The following PPP2R5C variants were observed in gnomAD, a reference collection of about 807,000 sequenced individuals.
PPP2R5C encodes the protein serine/threonine-protein phosphatase 2A 56 kDa regulatory subunit gamma isoform.
Under a neutral mutation model 68.9 loss-of-function variants are expected in PPP2R5C, and 7 were observed. That is an observed-to-expected ratio of 0.10 (90% confidence interval 0.06 to 0.19). The LOEUF is 0.19. PPP2R5C is among the 10% of genes least tolerant of loss of function. The probability of loss-of-function intolerance (pLI) is 1.00; values close to 1 mark genes in which losing one functional copy is unlikely to be tolerated. For synonymous variants in PPP2R5C, 210 were observed against 222.2 expected, an observed-to-expected ratio of 0.95 and a Z score of 0.49; for missense variants, 348 against 641.3, an observed-to-expected ratio of 0.54 and a Z score of 4.94.
chr14:101,909,700 TC>T lies in PPP2R5C; in HGVS notation c.1253+12del, dbSNP rs748325071. 37 of 1,557,626 alleles carry T rather than the reference TC, an allele frequency of 2.4e-5. No homozygotes were observed. The highest frequency in any genetic ancestry group is 3.4e-5 in the Admixed American group (2 of 59,466). ...AAGCAGAGAAACTAAAGTGAGTTGT[TC>T]CTTTCACAAGTTACTGTTTCCAGGA... On this transcript the variant is annotated intron_variant, in intron 11 of 13. Transcript: ENST00000334743.
chr14:101,761,963 A>T (rs2036566344), intron 1 of PPP2R5C, 43 bp downstream of exon 1: 2 of 1,184,280 alleles, frequency 1.7e-6, no homozygotes, highest in South Asian at 4.2e-5. Flanking sequence ...GCAGGGAGGG[A>T]CTGCCGGGGG....
chr14:101,870,344 C>G (rs1287157927), intron 2 of PPP2R5C, among the ~76,000 whole-genome samples: 1 of 152,134 alleles, frequency 6.6e-6, no homozygotes. Flanking sequence ...ACATGTAGGT[C>G]TGTGATCCAT....
At chr14:101,833,095 T>C (rs1283694952) in intron 1 of PPP2R5C, among the ~76,000 whole-genome samples, 1 of 152,242 alleles carries the variant, frequency 6.6e-6, no homozygotes, top group African/African-American at 2.4e-5. Context: ...TTCCGTCTAG[T>C]GAGAAGTCGT....
At position 101,795,979 on chromosome 14, in the gene PPP2R5C, C is replaced by T. The variant is rs957409685; in HGVS notation, c.259+9796C>T. The stretch of plus-strand genomic sequence containing the variant: ...CTGGGACCACAGGTGCGCACCACCA[C>T]GCACAGCTAATTTTTGTATTTTTAG... On this transcript the variant is annotated intron_variant, in intron 3 of 14. Transcript: ENST00000328724. Among the ~76,000 whole-genome samples the T allele has an allele frequency of 1.6e-4, 25 of 152,230 alleles. 1 individual carries two copies. The highest frequency in any genetic ancestry group is 1.5e-3 in the Admixed American group (23 of 15,294).
chr14:101,865,882 C>T (rs1022634724), intron 2 of PPP2R5C, among the ~76,000 whole-genome samples: 2 of 152,154 alleles, frequency 1.3e-5, no homozygotes, highest in Non-Finnish European at 2.9e-5. Context: ...AATTCTCGCT[C>T]CAGACTCTGA....
chr14:101,774,931 A>C (rs1324226859), intron 2 of PPP2R5C, among the ~76,000 whole-genome samples: 1 of 152,242 alleles, frequency 6.6e-6, no homozygotes, highest in Non-Finnish European at 1.5e-5. Flanking sequence ...GCAAGAGAGA[A>C]GCCACAGACA....
At chr14:101,880,533 C>A (rs997404954) in intron 2 of PPP2R5C, among the ~76,000 whole-genome samples, 1 of 152,222 alleles carries the variant, frequency 6.6e-6, no homozygotes. Context: ...CGGTGGCTCA[C>A]GCCTCTAATT....
At position 101,798,288 on chromosome 14, in the gene PPP2R5C, T is replaced by A. The variant is rs142799256; in HGVS notation, c.259+12105T>A. On this transcript the variant is annotated intron_variant, in intron 3 of 14. Coordinates refer to the PPP2R5C transcript ENST00000328724. ...TCACTAAAATAGAAGCATATTTAAT[T>A]TGCCTACAAAATTGCTTGGAGAGCC... Among the ~76,000 whole-genome samples, 613 of 152,334 alleles carry A rather than the reference T, an allele frequency of 4.0e-3. 4 individuals carry two copies. Among genetic ancestry groups the A allele is most frequent in the African/African-American group, 0.014 (583 of 41,572 alleles).
At chr14:101,770,502 A>C (rs2037088532) in intron 2 of PPP2R5C, among the ~76,000 whole-genome samples, 1 of 152,208 alleles carries the variant, frequency 6.6e-6, no homozygotes, top group African/African-American at 2.4e-5. Context: ...AGCCACCTGG[A>C]GCTTTGGGTG....
chr14:101,783,359 T>C (rs553488260), intron 2 of PPP2R5C, among the ~76,000 whole-genome samples: 1 of 148,582 alleles, frequency 6.7e-6, no homozygotes, highest in Non-Finnish European at 1.5e-5. Flanking sequence ...GGACAGACAA[T>C]GTCTCATGCG....
chr14:101,769,316 G>A (rs2037029337), intron 2 of PPP2R5C, among the ~76,000 whole-genome samples: 1 of 152,192 alleles, frequency 6.6e-6, no homozygotes, highest in Non-Finnish European at 1.5e-5. Flanking sequence ...CCTGTGACTT[G>A]CCTTCCTAGC....
chr14:101,894,006 G>A (rs578036217), intron 7 of PPP2R5C, among the ~76,000 whole-genome samples: 11 of 152,222 alleles, frequency 7.2e-5, no homozygotes, highest in Non-Finnish European at 1.5e-4. Context: ...CCCACTTTCA[G>A]AGCTTATGGT....
At chr14:101,895,957 T>C (rs1012342078) in intron 8 of PPP2R5C, among the ~76,000 whole-genome samples, 1 of 152,142 alleles carries the variant, frequency 6.6e-6, no homozygotes, top group Admixed American at 6.5e-5. Flanking sequence ...GGCTCCCATC[T>C]CCCCACATTC....
At chr14:101,792,342 T>G (rs1416080666) in intron 3 of PPP2R5C, among the ~76,000 whole-genome samples, 1 of 152,246 alleles carries the variant, frequency 6.6e-6, no homozygotes, top group African/African-American at 2.4e-5. Flanking sequence ...GTGTATATTT[T>G]GGCATCCTAC....
At chr14:101,778,349 A>G (rs1178586701) in intron 2 of PPP2R5C, among the ~76,000 whole-genome samples, 1 of 152,054 alleles carries the variant, frequency 6.6e-6, no homozygotes, top group Non-Finnish European at 1.5e-5. Flanking sequence ...ATGTTCTCCC[A>G]TTCTGTGGGT....
In PPP2R5C at chr14:101,925,385, C is replaced by T; in HGVS notation, c.*113C>T. The T allele has an allele frequency of 1.2e-5, 18 of 1,455,124 alleles. No homozygotes were observed. In the South Asian group the frequency reaches 2.2e-4, roughly 18 times the overall value. The allele number at this position is 1,455,124 out of a possible 1,614,324, so 90.1% of individuals were successfully genotyped here. ...TTACACTCAAAGCTTTCTTGGACCC[C>T]GTTCCGTAGGCAATAACGTGCGTCC... On this transcript the variant is annotated 3_prime_UTR_variant, in exon 14 of 14. Transcript: ENST00000334743.
At chr14:101,863,018 G>A (rs1431123034) in intron 2 of PPP2R5C, among the ~76,000 whole-genome samples, 1 of 151,828 alleles carries the variant, frequency 6.6e-6, no homozygotes, top group Non-Finnish European at 1.5e-5. Context: ...TTAAAGAGAT[G>A]GAGTCTGGGC....
chr14:101,864,873 A>G (rs1304239671), intron 2 of PPP2R5C, among the ~76,000 whole-genome samples: 9 of 152,076 alleles, frequency 5.9e-5, no homozygotes, highest in Non-Finnish European at 1.2e-4. Context: ...CTGCAGTGTG[A>G]AGAATAGGTG....
At chr14:101,820,992 C>T (rs1003627841) in intron 1 of PPP2R5C, 1 of 151,708 alleles carries the variant, frequency 6.6e-6, no homozygotes, top group Admixed American at 6.6e-5. Context: ...AAATGGAAAA[C>T]ACGTGGACTT....
Sources: gnomAD v4.1 joint callset for allele counts (sites outside exome capture counted in the v4.1 genomes callset) on GRCh38, gnomAD v4.1.1 for gene constraint, MANE v1.5 for transcripts, NCBI Gene and HGNC (gene_info 2026-07-23, HGNC 2026-07-21) for gene names.